The following SNX5 variants were observed in gnomAD, a reference collection of about 807,000 sequenced individuals.
SNX5 encodes sorting nexin 5, also known as sorting nexin-5.
A neutral mutation model predicts 53.9 loss-of-function variants in SNX5; 31 were observed. The ratio of observed to expected loss-of-function variants is 0.58; its 90% CI spans 0.43 to 0.78. SNX5 has a LOEUF of 0.78. SNX5 is among the 30% of genes least tolerant of loss of function. The probability of loss-of-function intolerance (pLI) is 0.00; values close to 1 mark genes in which losing one functional copy is unlikely to be tolerated. For synonymous variants in SNX5, 168 were observed against 171.1 expected, an observed-to-expected ratio of 0.98 and a Z score of 0.14; for missense variants, 471 against 478.8, an observed-to-expected ratio of 0.98 and a Z score of 0.15.
At chr20:17,957,188 C>T in intron 1 of SNX5, 151 bp from the exon 2 acceptor site, 2 of 630,532 alleles carry the variant, frequency 3.2e-6, no homozygotes, top group East Asian at 2.8e-5. Context: ...GTAATCCCAG[C>T]ACTTTGGGAG....
chr20:17,964,213 A>C (rs2035501511), intron 1 of SNX5, among the ~76,000 whole-genome samples: 1 of 152,210 alleles, frequency 6.6e-6, no homozygotes, highest in South Asian at 2.1e-4. Context: ...GGTGCTCTTG[A>C]AAGAAAAAGT....
At chr20:17,942,570 C>G (rs1375958610) in intron 12 of SNX5, 163 bp from the exon 13 acceptor site, 1 of 636,202 alleles carries the variant, frequency 1.6e-6, no homozygotes, top group African/African-American at 1.8e-5. Context: ...CAACGTACCA[C>G]GCATCCCCAT....
intron 11 of SNX5, among the ~76,000 whole-genome samples, chr20:17,946,848 TA>T: frequency 6.6e-6 from 1 of 152,120 alleles, no homozygotes; most frequent in East Asian, 1.9e-4. Context: ...TCTAATTGAG[TA>T]ATCAAAATTA....
intron 1 of SNX5, chr20:17,962,187 T>C (rs2035464518): frequency 6.1e-6 from 1 of 163,862 alleles, no homozygotes; most frequent in Admixed American, 6.4e-5. Context: ...ATAAGCAATA[T>C]ATTAACTCTG....
intron 1 of SNX5, among the ~76,000 whole-genome samples, chr20:17,959,443 A>G (rs2035414321): frequency 1.3e-5 from 2 of 150,664 alleles, no homozygotes; most frequent in South Asian, 4.2e-4. Flanking sequence ...GACTGCAACC[A>G]CAGCATATCA....
Position 17,952,586 on chromosome 20 carries a change from C to T in SNX5, c.513+1G>A. 3 of 1,613,230 alleles carry T rather than the reference C, an allele frequency of 1.9e-6. No homozygotes were observed. Among genetic ancestry groups the T allele is most frequent in the Non-Finnish European group, 2.5e-6 (3 of 1,179,554 alleles). ...ATCAAAATGGAATAAAAATGCCTTA[C>T]ATCCTGATCATATTCCAGGAAAACA... On this transcript the variant is annotated splice_donor_variant, in intron 5 of 12. Coordinates refer to ENST00000377759, the MANE Select transcript of SNX5 (RefSeq NM_014426.4). LOFTEE classifies it high-confidence loss of function.
At chr20:17,948,792 T>C in intron 10 of SNX5, 98 bp downstream of exon 10, 2 of 931,796 alleles carry the variant, frequency 2.1e-6, no homozygotes, top group Admixed American at 2.2e-5. Flanking sequence ...TAAAAACAAG[T>C]CTGATAAATT....
chr20:17,946,824 G>A (rs2039493726), intron 11 of SNX5, among the ~76,000 whole-genome samples: 1 of 152,156 alleles, frequency 6.6e-6, no homozygotes. Flanking sequence ...TGGAGAAACT[G>A]GATTTGGATA....
At position 17,954,045 on chromosome 20, in the gene SNX5, C is replaced by A; in HGVS notation, c.340G>T (p.Gly114Trp). 1 of 1,614,040 alleles carries A rather than the reference C, an allele frequency of 6.2e-7. No individual in the cohort carries two copies. The highest frequency in any genetic ancestry group is 8.5e-7 in the Non-Finnish European group (1 of 1,179,912). ...GCAAATTCTTCTTTGGTCATAGACC[C>A]TTCACCTTCTCCCAGTTTCTGCATC... is the stretch of plus-strand genomic sequence containing the variant. Reference protein sequence around the residue: ...EKMQKLGEGEGSMTKEEFAKM... With the variant: ...EKMQKLGEGEWSMTKEEFAKM... The change falls in exon 4 of 13, where the codon GGG (glycine) becomes TGG (tryptophan). Residue 114 changes from glycine (G) to tryptophan (W), a missense_variant. Coordinates refer to ENST00000377759, the MANE Select transcript of SNX5 (RefSeq NM_014426.4).
chr20:17,952,560 T>TAAAA, intron 5 of SNX5, 27 bp downstream of exon 5: 1 of 1,603,894 alleles, frequency 6.2e-7, no homozygotes, highest in Non-Finnish European at 8.5e-7. Context: ...TGAAGTGGAT[T>TAAAA]ATCAAAATGG....
intron 6 of SNX5, 57 bp downstream of exon 6, chr20:17,951,443 A>G: frequency 2.1e-6 from 2 of 954,640 alleles, no homozygotes; most frequent in Non-Finnish European, 3.4e-6. Flanking sequence ...AAGAAACAAA[A>G]GGTCACCTAT....
chr20:17,965,670 CAAA>C (rs74179147), intron 1 of SNX5, among the ~76,000 whole-genome samples: 9 of 97,054 alleles, frequency 9.3e-5, no homozygotes, highest in Admixed American at 2.2e-4. Flanking sequence ...GACCCTGTCT[CAAA>C]AAAAAAAAAA....
rs1220069766 is a variant in SNX5, at chr20:17,962,755, G to C, written c.51+5620C>G. The C allele has an allele frequency of 1.3e-5, 7 of 519,042 alleles. No individual in the cohort carries two copies. In the Admixed American group the frequency reaches 1.4e-4, roughly 10 times the overall value. 32.2% of individuals were successfully genotyped at this position (519,042 alleles called of 1,614,324 possible). ...CATCTTTGTGAGATGGGTCTCAGAG[G>C]GCCCCGTCCCTGCTGACACCAACCA... On this transcript the variant is annotated intron_variant, in intron 1 of 12. Transcript: ENST00000377759.
At chr20:17,965,615 G>T (rs895084274) in intron 1 of SNX5, among the ~76,000 whole-genome samples, 3 of 146,518 alleles carry the variant, frequency 2.0e-5, no homozygotes, top group Non-Finnish European at 4.5e-5. Context: ...AGGCTGCAGT[G>T]AGTTGTGATC....
intron 8 of SNX5, among the ~76,000 whole-genome samples, chr20:17,949,885 T>C (rs1437024051): frequency 6.6e-6 from 1 of 152,236 alleles, no homozygotes; most frequent in Non-Finnish European, 1.5e-5. Context: ...CTTTTAAGTG[T>C]GACAGAAACT....
chr20:17,958,668 A>C (rs886161284), intron 1 of SNX5, among the ~76,000 whole-genome samples: 1 of 152,200 alleles, frequency 6.6e-6, no homozygotes, highest in African/African-American at 2.4e-5. Flanking sequence ...TGTCTGGCTT[A>C]ATTTTCACAT....
intron 11 of SNX5, 55 bp downstream of exon 11, chr20:17,947,431 T>A: frequency 6.4e-7 from 1 of 1,571,484 alleles, no homozygotes; most frequent in Non-Finnish European, 8.6e-7. Context: ...AGAACTTTTC[T>A]AAGTTTGAAA....
At chr20:17,956,623 C>T (rs2035359417) in intron 2 of SNX5, among the ~76,000 whole-genome samples, 1 of 123,702 alleles carries the variant, frequency 8.1e-6, no homozygotes. Flanking sequence ...TGCAGTGAGC[C>T]AAGATGGTGC....
chr20:17,957,459 T>G (rs564940061), intron 1 of SNX5, among the ~76,000 whole-genome samples: 6 of 151,072 alleles, frequency 4.0e-5, no homozygotes, highest in African/African-American at 1.2e-4. Flanking sequence ...AATTAAAAAT[T>G]AAAAAAAAGA....
Sources: allele counts gnomAD v4.1 joint callset (sites outside exome capture counted in the v4.1 genomes callset), GRCh38; gene constraint gnomAD v4.1.1; transcripts MANE v1.5; gene names NCBI Gene and HGNC (gene_info 2026-07-23, HGNC 2026-07-21).